Variants in LMO7 observed in about 807,000 individuals in gnomAD.
LMO7 encodes LIM domain only protein 7.
In LMO7, 120 loss-of-function variants were observed where a neutral mutation model predicts 206.5. The observed-to-expected ratio is 0.58, with a 90% CI of 0.50 to 0.68. The LOEUF is 0.68. Among genes scored for constraint, LMO7 ranks in the 30% least tolerant of loss-of-function variants. The probability of loss-of-function intolerance (pLI) is 0.00; values close to 1 mark genes in which losing one functional copy is unlikely to be tolerated. For missense variants in LMO7, 1,959 were observed against 1,957.9 expected (o/e 1.00, Z -0.01); for synonymous variants, 706 against 681.5 (o/e 1.04, Z -0.56).
chr13:75,741,827 A>G (rs2046434951), intron 3 of LMO7, among the ~76,000 whole-genome samples: 1 of 152,182 alleles, frequency 6.6e-6, no homozygotes, highest in African/African-American at 2.4e-5. Context: ...ATACAAGACA[A>G]GGATACCCTC....
intron 4 of LMO7, among the ~76,000 whole-genome samples, chr13:75,772,430 A>C (rs1025409074): frequency 6.6e-6 from 1 of 152,128 alleles, no homozygotes; most frequent in Non-Finnish European, 1.5e-5. Flanking sequence ...TGAGTGGAGA[A>C]TAGAAAGAAA....
Position 75,696,686 on chromosome 13 carries a change from C to T in LMO7, c.70-16496C>T, listed in dbSNP as rs1442865780. Reference sequence around the variant, plus strand: ...GGGACCATTATTTGCCCCAAGCTTCCCAAGTGGTTCTTCTACACACTGAAC... The same window carrying T: ...GGGACCATTATTTGCCCCAAGCTTCTCAAGTGGTTCTTCTACACACTGAAC... On this transcript the variant is annotated intron_variant, in intron 1 of 30. Transcript: ENST00000377534. Among the ~76,000 whole-genome samples, 2 of 152,084 alleles carry T rather than the reference C, an allele frequency of 1.3e-5. 1 individual carries two copies. Among genetic ancestry groups the T allele is most frequent in the Non-Finnish European group, 2.9e-5 (2 of 68,000 alleles).
At chr13:75,658,581 C>CTTATTT (rs201006916) in intron 1 of LMO7, among the ~76,000 whole-genome samples, 1,823 of 151,920 alleles carry the variant, frequency 0.012, 65 homozygotes, top group East Asian at 0.097. Flanking sequence ...TCAACTATAT[C>CTTATTT]TTATTTTTAT....
chr13:75,662,305 T>C (rs1310545830), intron 1 of LMO7, among the ~76,000 whole-genome samples: 3 of 152,222 alleles, frequency 2.0e-5, no homozygotes, highest in Non-Finnish European at 4.4e-5. Flanking sequence ...TCATATCTTT[T>C]ATACCTTGAA....
chr13:75,774,619 T>C (rs2050143499), intron 4 of LMO7, among the ~76,000 whole-genome samples: 1 of 152,194 alleles, frequency 6.6e-6, no homozygotes, highest in Non-Finnish European at 1.5e-5. Flanking sequence ...TAGTGATTTT[T>C]GAGCATCTTT....
chr13:75,836,397 A>G lies in LMO7; in HGVS notation c.3334A>G (p.Asn1112Asp), dbSNP rs1182654352. ...TAACTAGCATTTTTACCCTTTCCAG[A>G]ATATTGAATCCAAAGAAATCAATGG... ...TDFSESLQSS[N>D]IESKEINGIH... The change falls in exon 19 of 31, where the codon AAT becomes GAT. Residue 1112 changes from asparagine (N) to aspartate (D), a missense_variant and splice_region_variant. Transcript: ENST00000377534. 4.6e-6 allele frequency: 7 copies of G among 1,533,994 alleles called. No homozygotes were observed. The Admixed American group carries it at 1.3e-4, about 28-fold the overall frequency.
chr13:75,775,328 A>T (rs2050232053), intron 4 of LMO7, among the ~76,000 whole-genome samples: 1 of 152,172 alleles, frequency 6.6e-6, no homozygotes, highest in Non-Finnish European at 1.5e-5. Flanking sequence ...TTAAAGACTT[A>T]AATGTAAGGC....
intron 18 of LMO7, among the ~76,000 whole-genome samples, chr13:75,836,016 C>G (rs926460138): frequency 1.3e-5 from 2 of 152,048 alleles, no homozygotes; most frequent in African/African-American, 4.8e-5. Context: ...CAAGGTATAA[C>G]TCTTTTATTT....
Position 75,849,240 on chromosome 13 carries a change from CGCAG to C in LMO7, c.4313_4316del (p.Arg1438LeufsTer15). On this transcript the variant is annotated frameshift_variant, in exon 27 of 31. Transcript: ENST00000377534. LOFTEE classifies it high-confidence loss of function. ...CAATGACAACAGCTGGATCCGACAG[CGCAG>C]TGCCAGTGTCAACAAAGAGCCTGTT... 6.2e-7 allele frequency: 1 copy of C among 1,614,090 alleles called. No individual in the cohort carries two copies. The highest frequency in any genetic ancestry group is 8.5e-7 in the Non-Finnish European group (1 of 1,179,978).
At chr13:75,769,322 G>C (rs537595521) in intron 4 of LMO7, among the ~76,000 whole-genome samples, 1 of 151,930 alleles carries the variant, frequency 6.6e-6, no homozygotes, top group Non-Finnish European at 1.5e-5. Context: ...GTTTTTCAGA[G>C]ACATGCCTTT....
intron 11 of LMO7, chr13:75,816,917 GTTTT>G (rs965974728): frequency 6.7e-5 from 20 of 299,338 alleles, no homozygotes; most frequent in South Asian, 1.4e-4. Flanking sequence ...TTGTTTGTTT[GTTTT>G]TTTTGAGACT....
At chr13:75,647,947 C>CTTTCTTTTT (rs2037184434) in intron 1 of LMO7, among the ~76,000 whole-genome samples, 1 of 24,070 alleles carries the variant, frequency 4.2e-5, no homozygotes, top group Admixed American at 6.0e-4. Context: ...GTTTTCTTTT[C>CTTTCTTTTT]TTTCTTTTTT....
rs1274452170 is a variant in LMO7, at chr13:75,858,040, T to G, written c.*97T>G. On this transcript the variant is annotated 3_prime_UTR_variant, in exon 31 of 31. Coordinates refer to ENST00000377534, the MANE Select transcript of LMO7 (RefSeq NM_001306080.2). Reference sequence around the variant, plus strand: ...TATGTGTTGTATGTCTTTTTTGCTTTTTTTTTAAAAAAAAGAATAACTTTT... The same window carrying G: ...TATGTGTTGTATGTCTTTTTTGCTTGTTTTTTAAAAAAAAGAATAACTTTT... 2.7e-6 allele frequency: 4 copies of G among 1,463,236 alleles called. No individual in the cohort carries two copies. In the South Asian group the frequency reaches 5.0e-5, roughly 18 times the overall value. The allele number at this position is 1,463,236 out of a possible 1,614,324, so 90.6% of individuals were successfully genotyped here.
intron 1 of LMO7, among the ~76,000 whole-genome samples, chr13:75,647,674 A>C (rs375789578): frequency 6.6e-6 from 1 of 151,110 alleles, no homozygotes; most frequent in East Asian, 1.9e-4. Context: ...GAAGCAGAAA[A>C]TAGCTTTACC....
In LMO7 at chr13:75,821,550, A is replaced by G; in HGVS notation, c.2581A>G (p.Thr861Ala). Reference sequence around the variant, plus strand: ...TACAGTCAGGTTAACATCTGTGGTCACACCAAGACCCTTTGGCTCTCAGAC... The same window carrying G: ...TACAGTCAGGTTAACATCTGTGGTCGCACCAAGACCCTTTGGCTCTCAGAC... ...TDTVRLTSVV[T>A]PRPFGSQTRG... is the part of the protein sequence containing the mutation. Residue 861 changes from threonine to alanine, a missense_variant, in exon 14 of 31, where the codon ACA becomes GCA. Physicochemically the swap from Thr to Ala is moderately conservative, Grantham distance 58. Transcript: ENST00000377534. 2 of 1,614,032 alleles carry G rather than the reference A, an allele frequency of 1.2e-6. No individual in the cohort carries two copies. The highest frequency in any genetic ancestry group is 1.7e-6 in the Non-Finnish European group (2 of 1,179,942).
chr13:75,796,647 A>T lies in LMO7; in HGVS notation c.360A>T (p.Thr120=), dbSNP rs758451086. The change falls in exon 6 of 31, where the codon ACA becomes ACT. Residue 120 remains threonine, a synonymous_variant. Transcript: ENST00000377534. ...TDRRVKNVLI[T]LYWLGRKAQS... is the part of the protein sequence containing the mutation. The stretch of plus-strand genomic sequence containing the variant: ...TTTTTTTTTTTAAGGTTTTGATAAC[A>T]TTGTACTGGCTGGGAAGAAAAGCAC... 4.4e-6 allele frequency: 7 copies of T among 1,607,860 alleles called. No homozygotes were observed. The highest frequency in any genetic ancestry group is 6.0e-6 in the Non-Finnish European group (7 of 1,175,638).
chr13:75,840,187 A>G (rs1474408493), intron 21 of LMO7, 77 bp downstream of exon 21: 2 of 1,464,328 alleles, frequency 1.4e-6, no homozygotes, highest in Non-Finnish European at 1.9e-6. Context: ...CATGCTTACC[A>G]TGATTTTAGG....
rs184100278 is a variant in LMO7, at chr13:75,669,720, A to G, written c.69+32994A>G. On this transcript the variant is annotated intron_variant, in intron 1 of 30. Transcript: ENST00000377534. ...AATTCTAGAGGCTCTGTGGGCTGGC[A>G]TGCATGCATTCATAGCTTTTGATTG... Among the ~76,000 whole-genome samples the G allele has an allele frequency of 3.3e-5, 5 of 152,348 alleles. 1 individual carries two copies. The highest frequency in any genetic ancestry group is 5.9e-5 in the Non-Finnish European group (4 of 68,038).
At chr13:75,837,654 C>A (rs1450961924) in intron 19 of LMO7, among the ~76,000 whole-genome samples, 1 of 151,950 alleles carries the variant, frequency 6.6e-6, no homozygotes. Context: ...GTGGTCGTAA[C>A]TTTAGTATTT....
Sources: allele counts gnomAD v4.1 joint callset (sites outside exome capture counted in the v4.1 genomes callset), GRCh38; gene constraint gnomAD v4.1.1; transcripts MANE v1.5; gene names NCBI Gene and HGNC (gene_info 2026-07-23, HGNC 2026-07-21).